Variants in CPVL observed in about 807,000 individuals in gnomAD.
CPVL encodes the protein carboxypeptidase vitellogenic like.
Under a neutral mutation model 63.7 loss-of-function variants are expected in CPVL, and 51 were observed. The ratio of observed to expected loss-of-function variants is 0.80; its 90% CI spans 0.64 to 1.01. The LOEUF (loss-of-function observed/expected upper bound fraction) is 1.01, where lower values mean the gene tolerates loss of function less well. Among genes scored for constraint, CPVL ranks in the 50% least tolerant of loss-of-function variants. The pLI is 0.00. For synonymous variants in CPVL, 195 were observed against 206.0 expected, an observed-to-expected ratio of 0.95 and a Z score of 0.46; for missense variants, 530 against 573.1, an observed-to-expected ratio of 0.92 and a Z score of 0.77.
rs538927205 is a variant in CPVL, at chr7:29,157,238, A to G, written c.-11+24052T>C. On this transcript the variant is annotated intron_variant, in intron 5 of 16. Coordinates refer to the CPVL transcript ENST00000409850. Reference sequence around the variant, plus strand: ...ACACCTCTGAGTGGGGAGGAAAAAAAGAATGAGATGCGACCCCTCCCCCAC... The same window carrying G: ...ACACCTCTGAGTGGGGAGGAAAAAAGGAATGAGATGCGACCCCTCCCCCAC... Among the ~76,000 whole-genome samples, 10 of 152,318 alleles carry G rather than the reference A, an allele frequency of 6.6e-5. No homozygotes were observed. The South Asian group carries it at 2.1e-3, about 32-fold the overall frequency.
chr7:29,012,579 C>G (rs531327453), intron 12 of CPVL: 4 of 152,306 alleles, frequency 2.6e-5, no homozygotes, highest in Non-Finnish European at 5.9e-5. Context: ...AGAACCAGTG[C>G]CATACCAGTT....
intron 12 of CPVL, among the ~76,000 whole-genome samples, chr7:29,005,903 T>C (rs1328259770): frequency 6.6e-6 from 1 of 152,208 alleles, no homozygotes; most frequent in Non-Finnish European, 1.5e-5. Context: ...TGATCTACAT[T>C]TGTAGTTTTC....
chr7:29,088,806 T>G (rs1785473526), intron 6 of CPVL, among the ~76,000 whole-genome samples: 1 of 151,860 alleles, frequency 6.6e-6, no homozygotes, highest in African/African-American at 2.4e-5. Flanking sequence ...GAAACCCCGT[T>G]TCTACTAAAA....
chr7:28,997,099 C>G (rs1220896055), intron 12 of CPVL, among the ~76,000 whole-genome samples: 1 of 152,098 alleles, frequency 6.6e-6, no homozygotes, highest in Non-Finnish European at 1.5e-5. Flanking sequence ...GCTAATATTC[C>G]AAGTAGAGGG....
intron 1 of CPVL, among the ~76,000 whole-genome samples, chr7:29,121,274 G>C (rs574073106): frequency 6.6e-6 from 1 of 151,528 alleles, no homozygotes; most frequent in African/African-American, 2.4e-5. Context: ...ACTCTTCAAG[G>C]GATTTACAGT....
At chr7:29,119,631 T>C (rs1001904968) in intron 2 of CPVL, among the ~76,000 whole-genome samples, 2 of 152,202 alleles carry the variant, frequency 1.3e-5, no homozygotes, top group Non-Finnish European at 2.9e-5. Flanking sequence ...ACACTCATAT[T>C]TGGAGAACAA....
chr7:29,010,948 G>T (rs1475422216), intron 12 of CPVL: 1 of 152,136 alleles, frequency 6.6e-6, no homozygotes, highest in African/African-American at 2.4e-5. Flanking sequence ...CATACAGCTG[G>T]TACATGGTAG....
intron 1 of CPVL, among the ~76,000 whole-genome samples, chr7:29,189,920 G>C (rs1168366970): frequency 6.6e-6 from 1 of 152,112 alleles, no homozygotes; most frequent in Non-Finnish European, 1.5e-5. Flanking sequence ...CAGGCGATGT[G>C]AACTGGGAAT....
intron 11 of CPVL, among the ~76,000 whole-genome samples, chr7:29,046,894 G>T (rs1301037533): frequency 6.6e-6 from 1 of 152,146 alleles, no homozygotes; most frequent in Non-Finnish European, 1.5e-5. Context: ...TACAATCAGT[G>T]TATGAGAGTG....
intron 1 of CPVL, among the ~76,000 whole-genome samples, chr7:29,124,824 C>A (rs1477389303): frequency 6.6e-6 from 1 of 151,762 alleles, no homozygotes; most frequent in Non-Finnish European, 1.5e-5. Flanking sequence ...AAATTTTATA[C>A]TCAGAAAAAA....
At chr7:29,187,364 T>A (rs1010779176) in intron 1 of CPVL, among the ~76,000 whole-genome samples, 1 of 151,826 alleles carries the variant, frequency 6.6e-6, no homozygotes, top group African/African-American at 2.4e-5. Flanking sequence ...TGTGTGTGTG[T>A]GACAAAGAGA....
chr7:29,079,135 C>CA (rs1353621727), intron 7 of CPVL, among the ~76,000 whole-genome samples: 2 of 152,148 alleles, frequency 1.3e-5, no homozygotes, highest in Non-Finnish European at 2.9e-5. Context: ...GCCAGAAAGA[C>CA]AGAGACATTC....
intron 5 of CPVL, among the ~76,000 whole-genome samples, chr7:29,153,393 A>C (rs1793885200): frequency 6.6e-6 from 1 of 152,118 alleles, no homozygotes; most frequent in South Asian, 2.1e-4. Context: ...GAGTGTGTCC[A>C]CCTTCTCTCC....
intron 11 of CPVL, among the ~76,000 whole-genome samples, chr7:29,031,113 T>A (rs945679331): frequency 3.9e-5 from 6 of 152,222 alleles, no homozygotes; most frequent in African/African-American, 1.2e-4. Context: ...AGGATTTTCA[T>A]GAAGCCTGCA....
chr7:29,036,796 G>T (rs188798065), intron 11 of CPVL, among the ~76,000 whole-genome samples: 2 of 152,128 alleles, frequency 1.3e-5, no homozygotes, highest in South Asian at 2.1e-4. Context: ...AGACTCTCTT[G>T]TTGTTTTTCT....
At chr7:29,125,487 G>T (rs367665120) in intron 1 of CPVL, among the ~76,000 whole-genome samples, 1 of 150,150 alleles carries the variant, frequency 6.7e-6, no homozygotes, top group African/African-American at 2.5e-5. Flanking sequence ...CCGCCTCCTC[G>T]GTTCAAGCGA....
intron 1 of CPVL, among the ~76,000 whole-genome samples, chr7:29,141,789 C>G (rs2128670738): frequency 6.6e-6 from 1 of 152,006 alleles, no homozygotes; most frequent in East Asian, 1.9e-4. Context: ...GGGGTACACG[C>G]CTGTAGTCCC....
intron 1 of CPVL, among the ~76,000 whole-genome samples, chr7:29,143,931 G>A (rs532497332): frequency 3.2e-4 from 48 of 152,276 alleles, no homozygotes; most frequent in African/African-American, 1.1e-3. Flanking sequence ...CAATACCCTG[G>A]TTTCAGTTCA....
chr7:29,078,662 C>A (rs1477468414), intron 7 of CPVL, among the ~76,000 whole-genome samples: 2 of 152,106 alleles, frequency 1.3e-5, no homozygotes, highest in Admixed American at 6.6e-5. Flanking sequence ...ATGCTGCCTG[C>A]TCCAGCATGG....
Sources: allele counts gnomAD v4.1 joint callset (sites outside exome capture counted in the v4.1 genomes callset), GRCh38; gene constraint gnomAD v4.1.1; transcripts MANE v1.5; gene names NCBI Gene and HGNC (gene_info 2026-07-23, HGNC 2026-07-21).